Variants in GLYATL3 observed in about 807,000 individuals in gnomAD.
GLYATL3 encodes glycine-N-acyltransferase like 3, also known as glycine N-acyltransferase-like protein 3.
In GLYATL3, 31 loss-of-function variants were observed where a neutral mutation model predicts 28.5. That is an observed-to-expected ratio of 1.09 (90% CI 0.82 to 1.47). The LOEUF (loss-of-function observed/expected upper bound fraction) is 1.47, where lower values mean the gene tolerates loss of function less well. Ranked by LOEUF, GLYATL3 falls within the 40% of genes most tolerant of loss-of-function variation. The pLI is 0.00. For missense variants in GLYATL3, 369 were observed against 351.5 expected (o/e 1.05, Z -0.40); for synonymous variants, 141 against 140.2 (o/e 1.01, Z -0.04).
intron 1 of GLYATL3, among the ~76,000 whole-genome samples, chr6:49,507,597 T>A (rs1202605914): frequency 6.6e-6 from 1 of 152,158 alleles, no homozygotes; most frequent in East Asian, 1.9e-4. Flanking sequence ...GGGACCTTAC[T>A]GTCAAGACTG....
At chr6:49,504,302 A>G (rs904264889) in intron 1 of GLYATL3, among the ~76,000 whole-genome samples, 1 of 149,558 alleles carries the variant, frequency 6.7e-6, no homozygotes, top group African/African-American at 2.5e-5. Flanking sequence ...TTTTCAGCAA[A>G]TTTCTCTGTC....
chr6:49,502,576 C>G (rs757838274), intron 1 of GLYATL3, among the ~76,000 whole-genome samples: 2 of 152,104 alleles, frequency 1.3e-5, no homozygotes, highest in Non-Finnish European at 2.9e-5. Context: ...ATAATTCTAT[C>G]TCCCATCCAG....
At chr6:49,500,955 T>C (rs976356746) in intron 1 of GLYATL3, among the ~76,000 whole-genome samples, 15 of 152,228 alleles carry the variant, frequency 9.9e-5, no homozygotes, top group Admixed American at 2.6e-4. Flanking sequence ...TGAAAGGGTA[T>C]TGTCAAATGT....
intron 1 of GLYATL3, among the ~76,000 whole-genome samples, chr6:49,500,813 T>C (rs1285446980): frequency 6.6e-6 from 1 of 152,186 alleles, no homozygotes; most frequent in Admixed American, 6.5e-5. Flanking sequence ...TAATCGTCAT[T>C]ATGACTCTCT....
At chr6:49,509,409 A>C (rs561700877) in intron 1 of GLYATL3, among the ~76,000 whole-genome samples, 1 of 152,332 alleles carries the variant, frequency 6.6e-6, no homozygotes, top group Admixed American at 6.5e-5. Flanking sequence ...TCATGTCCAA[A>C]CGAAACTTAC....
At position 49,527,977 on chromosome 6, in the gene GLYATL3, A is replaced by G. The variant is rs1769453818; in HGVS notation, c.*1063A>G. Among the ~76,000 whole-genome samples, 1 of 152,356 alleles carries G rather than the reference A, an allele frequency of 6.6e-6. No homozygotes were observed. The highest frequency in any genetic ancestry group is 2.4e-5 in the African/African-American group (1 of 41,598). Reference sequence around the variant, plus strand: ...TATAATCAGTACTGGAGGCAAAGCCAGAATGCTGCCATTTTAATTCCAATC... The same window carrying G: ...TATAATCAGTACTGGAGGCAAAGCCGGAATGCTGCCATTTTAATTCCAATC... On this transcript the variant is annotated 3_prime_UTR_variant, in exon 6 of 6. Transcript: ENST00000371197.
intron 3 of GLYATL3, among the ~76,000 whole-genome samples, chr6:49,516,133 G>C (rs1035685705): frequency 4.6e-5 from 7 of 151,992 alleles, no homozygotes; most frequent in Non-Finnish European, 7.4e-5. Flanking sequence ...CTTTAGTAGA[G>C]ATGGGATTTC....
intron 1 of GLYATL3, among the ~76,000 whole-genome samples, chr6:49,505,897 A>C (rs1470108707): frequency 2.0e-5 from 3 of 152,246 alleles, no homozygotes; most frequent in Admixed American, 1.3e-4. Flanking sequence ...TTGTAAAGGC[A>C]AATTTGGGTC....
intron 4 of GLYATL3, among the ~76,000 whole-genome samples, chr6:49,520,364 T>A (rs1018989705): frequency 1.3e-5 from 2 of 152,162 alleles, no homozygotes; most frequent in Admixed American, 6.5e-5. Flanking sequence ...GTCTTTTGAA[T>A]CACTTAGATG....
rs145424760 is a variant in GLYATL3, at chr6:49,521,245, C to T, written c.314-400C>T. Among the ~76,000 whole-genome samples the T allele has an allele frequency of 7.2e-4, 110 of 152,218 alleles. 1 individual carries two copies. The East Asian group carries it at 0.019, about 26-fold the overall frequency. Reference sequence around the variant, plus strand: ...GAGAGTCTTTGAAGTTGGTTTGCCACGCCAAACAAATCTAAGCTCTTGTAT... The same window carrying T: ...GAGAGTCTTTGAAGTTGGTTTGCCATGCCAAACAAATCTAAGCTCTTGTAT... On this transcript the variant is annotated intron_variant, in intron 4 of 5. Coordinates refer to ENST00000371197, the MANE Select transcript of GLYATL3 (RefSeq NM_001010904.2).
chr6:49,501,517 T>G (rs1406366927), intron 1 of GLYATL3, among the ~76,000 whole-genome samples: 1 of 152,206 alleles, frequency 6.6e-6, no homozygotes, highest in Non-Finnish European at 1.5e-5. Context: ...GATGAAGTAA[T>G]TCTTTAACAT....
chr6:49,512,040 T>C lies in GLYATL3; in HGVS notation c.50T>C (p.Leu17Ser). Residue 17 changes from leucine (L) to serine (S), a missense_variant, in exon 2 of 6, where the codon TTG becomes TCG. Physicochemically the swap from Leu to Ser is moderately radical, Grantham distance 145 (BLOSUM62 -2). Transcript: ENST00000371197. ...AAATTACTGATACTGGAGAAAATGT[T>C]GAAGAGTTGCTTTCCTGAATCACTC... The part of the protein sequence containing the change: ...STKLLILEKM[L>S]KSCFPESLKV... 6.8e-7 allele frequency: 1 copy of C among 1,467,040 alleles called. No homozygotes were observed. The highest frequency in any genetic ancestry group is 9.3e-7 in the Non-Finnish European group (1 of 1,072,202). The allele number at this position is 1,467,040 out of a possible 1,614,324, so 90.9% of individuals were successfully genotyped here. A position where few individuals can be genotyped will look rare whatever the true frequency, so the allele number is the denominator to read the frequency against.
chr6:49,514,862 A>G (rs1422180277), intron 2 of GLYATL3, among the ~76,000 whole-genome samples: 4 of 152,148 alleles, frequency 2.6e-5, no homozygotes, highest in African/African-American at 9.7e-5. Flanking sequence ...TGATTGCCCC[A>G]TAACACTCCA....
At position 49,526,638 on chromosome 6, in the gene GLYATL3, G is replaced by A; in HGVS notation, c.591G>A (p.Lys197=). 6.4e-7 allele frequency: 1 copy of A among 1,551,888 alleles called. No homozygotes were observed. The highest frequency in any genetic ancestry group is 8.7e-7 in the Non-Finnish European group (1 of 1,147,032). ...CTAGTGTGTGTGTCCGGGATGAGAAGGGAAACCCGGTCTCCTGGTCCATCA... is the reference window on the plus strand; with the variant it reads ...CTAGTGTGTGTGTCCGGGATGAGAAAGGAAACCCGGTCTCCTGGTCCATCA... ...CFPSVCVRDE[K]GNPVSWSITD... The change falls in exon 6 of 6, where the codon AAG becomes AAA. Residue 197 remains lysine (K), a synonymous_variant. Coordinates refer to ENST00000371197, the MANE Select transcript of GLYATL3 (RefSeq NM_001010904.2).
At position 49,526,483 on chromosome 6, in the gene GLYATL3, T is replaced by C. The variant is rs1393897630; in HGVS notation, c.441-5T>C. ...CCTATTTGTTTTTGTGTCATTCTGGTCTAGCAAGGGGCCTTCCCCACGACT... is the reference window on the plus strand; with the variant it reads ...CCTATTTGTTTTTGTGTCATTCTGGCCTAGCAAGGGGCCTTCCCCACGACT... On this transcript the variant is annotated splice_region_variant and splice_polypyrimidine_tract_variant and intron_variant, in intron 5 of 5. Transcript: ENST00000371197. 1.9e-6 allele frequency: 3 copies of C among 1,549,568 alleles called. No individual in the cohort carries two copies. Among genetic ancestry groups the C allele is most frequent in the East Asian group, 2.4e-5 (1 of 40,904 alleles).
At chr6:49,521,974 T>C (rs1470888595) in intron 5 of GLYATL3, among the ~76,000 whole-genome samples, 2 of 152,144 alleles carry the variant, frequency 1.3e-5, no homozygotes, top group East Asian at 1.9e-4. Context: ...CATAATTTCA[T>C]TGAAAATCAA....
At chr6:49,526,413 GAA>G in intron 5 of GLYATL3, 73 bp from the exon 6 acceptor site, 8 of 1,166,782 alleles carry the variant, frequency 6.9e-6, no homozygotes, top group South Asian at 1.6e-5. Context: ...ACTGTGTCTC[GAA>G]AAAAAAAATG....
chr6:49,525,935 T>C (rs1769403101), intron 5 of GLYATL3, among the ~76,000 whole-genome samples: 1 of 152,186 alleles, frequency 6.6e-6, no homozygotes, highest in Non-Finnish European at 1.5e-5. Flanking sequence ...CCTTAACCTG[T>C]GCTGAAGGCA....
chr6:49,526,558 CG>C lies in GLYATL3; in HGVS notation c.515del (p.Gly172GlufsTer86). The C allele has an allele frequency of 3.2e-6, 5 of 1,551,824 alleles. No individual in the cohort carries two copies. The highest frequency in any genetic ancestry group is 4.4e-6 in the Non-Finnish European group (5 of 1,146,994). On this transcript the variant is annotated frameshift_variant, in exon 6 of 6. Transcript: ENST00000371197. LOFTEE classifies it high-confidence loss of function. Reference sequence around the variant, plus strand: ...GGATCTACTCAACCGGACTTGGTCCCGGGGAGGCAATGAACAATGTCTCCGG... The same window carrying C: ...GGATCTACTCAACCGGACTTGGTCCCGGGAGGCAATGAACAATGTCTCCGG... ...NADLLNRTWS[R>X]GGNEQCLRYI...
Sources: gnomAD v4.1 joint callset for allele counts (sites outside exome capture counted in the v4.1 genomes callset) on GRCh38, gnomAD v4.1.1 for gene constraint, MANE v1.5 for transcripts, NCBI Gene and HGNC (gene_info 2026-07-23, HGNC 2026-07-21) for gene names.